Variants in ZNF423 observed in about 807,000 individuals in gnomAD.
ZNF423 encodes Ebf-associated zinc finger protein.
ZNF423 carries 12 observed loss-of-function variants against 95.8 expected under a neutral mutation model. That is an observed-to-expected ratio of 0.13 (90% CI 0.08 to 0.20). ZNF423 has a LOEUF of 0.20. ZNF423 is among the 10% of genes least tolerant of loss of function. The probability of loss-of-function intolerance (pLI) is 1.00; values close to 1 mark genes in which losing one functional copy is unlikely to be tolerated. For synonymous variants in ZNF423, 749 were observed against 711.9 expected, an observed-to-expected ratio of 1.05 and a Z score of -0.83; for missense variants, 1,316 against 1,737.1, an observed-to-expected ratio of 0.76 and a Z score of 4.31.
chr16:49,503,826 T>TG (rs1376411228), intron 7 of ZNF423, among the ~76,000 whole-genome samples: 1 of 152,068 alleles, frequency 6.6e-6, no homozygotes, highest in Non-Finnish European at 1.5e-5. Flanking sequence ...AATGACAGCC[T>TG]GCAAGCTACT....
At chr16:49,767,301 A>G (rs34795773) in intron 2 of ZNF423, among the ~76,000 whole-genome samples, 13,051 of 152,134 alleles carry the variant, frequency 0.086, 596 homozygotes, top group Middle Eastern at 0.15. Context: ...GAGACATTCA[A>G]ACAACATGGG....
chr16:49,708,462 G>GT (rs2032433400), intron 3 of ZNF423, among the ~76,000 whole-genome samples: 2 of 151,812 alleles, frequency 1.3e-5, no homozygotes, highest in African/African-American at 4.8e-5. Flanking sequence ...AATTTTTTTT[G>GT]TATTTTTAGT....
chr16:49,603,314 C>T lies in ZNF423; in HGVS notation c.3601+22856G>A, dbSNP rs1285455996. ...TCACTCAAAGAATCTTGCCTCCACA[C>T]AGCACTGGCTTCAAGGACGTGTAAT... On this transcript the variant is annotated intron_variant, in intron 5 of 7. Coordinates refer to ENST00000563137, the MANE Select transcript of ZNF423 (RefSeq NM_001379286.1). The surrounding 1 kb of genome is among the most constrained non-coding windows in gnomAD (Gnocchi z 4.1). Among the ~76,000 whole-genome samples, 1 of 152,218 alleles carries T rather than the reference C, an allele frequency of 6.6e-6. No homozygotes were observed. The highest frequency in any genetic ancestry group is 1.5e-5 in the Non-Finnish European group (1 of 68,034).
chr16:49,831,829 A>G (rs913005792), intron 1 of ZNF423, among the ~76,000 whole-genome samples: 2 of 143,886 alleles, frequency 1.4e-5, no homozygotes, highest in Non-Finnish European at 3.0e-5. Flanking sequence ...CATCTCTACT[A>G]AAAAAAAAAA....
chr16:49,669,262 G>A (rs2030691519), intron 3 of ZNF423, among the ~76,000 whole-genome samples: 1 of 151,820 alleles, frequency 6.6e-6, no homozygotes. Context: ...TCGGGAGGCG[G>A]AGGTTGCAGT....
At chr16:49,749,585 C>T (rs911268375) in intron 2 of ZNF423, among the ~76,000 whole-genome samples, 43 of 152,254 alleles carry the variant, frequency 2.8e-4, no homozygotes, top group African/African-American at 1.0e-3. Flanking sequence ...CCTGCGTTTA[C>T]GGACACGCGC....
chr16:49,553,734 A>G (rs936520134), intron 5 of ZNF423, among the ~76,000 whole-genome samples: 2 of 152,118 alleles, frequency 1.3e-5, no homozygotes, highest in Admixed American at 1.3e-4. Context: ...GTATTTCTTA[A>G]TAACAACCAC....
chr16:49,858,726 C>CCG (rs1555491196), upstream of ZNF423, among the ~76,000 whole-genome samples: 1 of 143,718 alleles, frequency 7.0e-6, no homozygotes, highest in Non-Finnish European at 1.6e-5. This position sits in a 1 kb window ranked among gnomAD's most constrained non-coding sequence, Gnocchi z 4.3. Flanking sequence ...AGCCCCCCCC[C>CCG]CCACGCCCCC....
At chr16:49,522,143 G>A (rs1968424544) in intron 7 of ZNF423, among the ~76,000 whole-genome samples, 1 of 152,356 alleles carries the variant, frequency 6.6e-6, no homozygotes, top group East Asian at 1.9e-4. Context: ...GGGGATGAGG[G>A]AGGGTGCTGC....
At chr16:49,761,485 G>A (rs1219070101) in intron 2 of ZNF423, among the ~76,000 whole-genome samples, 2 of 152,210 alleles carry the variant, frequency 1.3e-5, no homozygotes, top group Non-Finnish European at 2.9e-5. Context: ...TCCCAGTAAG[G>A]AGAACGACGC....
chr16:49,832,584 T>C (rs1597049812), intron 1 of ZNF423, among the ~76,000 whole-genome samples: 1 of 151,958 alleles, frequency 6.6e-6, no homozygotes, highest in Non-Finnish European at 1.5e-5. Flanking sequence ...GGGGGAAGGG[T>C]ACAGCCAAAA....
intron 5 of ZNF423, among the ~76,000 whole-genome samples, chr16:49,532,661 G>C (rs1167184302): frequency 6.6e-6 from 1 of 152,216 alleles, no homozygotes; most frequent in Non-Finnish European, 1.5e-5. Context: ...GGGGAGCTGG[G>C]TGTAGTCCTC....
At chr16:49,724,971 A>G (rs2032969279) in intron 3 of ZNF423, among the ~76,000 whole-genome samples, 1 of 152,262 alleles carries the variant, frequency 6.6e-6, no homozygotes, top group Non-Finnish European at 1.5e-5. Flanking sequence ...TTAGTTTGAA[A>G]TTGCTCACAG....
At chr16:49,715,621 C>A (rs1310497653) in intron 3 of ZNF423, among the ~76,000 whole-genome samples, 3 of 151,886 alleles carry the variant, frequency 2.0e-5, no homozygotes, top group African/African-American at 7.3e-5. Flanking sequence ...GGTGTGCACC[C>A]ATAGTCCTAG....
intron 3 of ZNF423, among the ~76,000 whole-genome samples, chr16:49,639,471 G>A (rs1290757484): frequency 1.3e-5 from 2 of 152,328 alleles, no homozygotes; most frequent in East Asian, 1.9e-4. Context: ...CAAGACATAG[G>A]AGGTGTGAAA....
intron 5 of ZNF423, among the ~76,000 whole-genome samples, chr16:49,535,863 G>A (rs1008725571): frequency 9.2e-5 from 14 of 152,110 alleles, no homozygotes; most frequent in African/African-American, 3.1e-4. Context: ...TCAACAAGAC[G>A]ATTGCCTAAA....
intron 2 of ZNF423, among the ~76,000 whole-genome samples, chr16:49,748,892 G>C (rs1395931060): frequency 6.6e-6 from 1 of 152,152 alleles, no homozygotes; most frequent in Non-Finnish European, 1.5e-5. Context: ...CGGGATACCA[G>C]GTTCTGAGCC....
chr16:49,555,926 C>A (rs1360930842), intron 5 of ZNF423, among the ~76,000 whole-genome samples: 2 of 152,036 alleles, frequency 1.3e-5, no homozygotes, highest in Admixed American at 6.6e-5. Context: ...TGTGTCAGTC[C>A]AGATCTGCCT....
chr16:49,699,187 G>C (rs964945249), intron 3 of ZNF423, among the ~76,000 whole-genome samples: 1 of 152,200 alleles, frequency 6.6e-6, no homozygotes, highest in Non-Finnish European at 1.5e-5. Context: ...GCTGGGCGAG[G>C]CGGCACTGAC....
Sources: allele counts gnomAD v4.1 joint callset (sites outside exome capture counted in the v4.1 genomes callset), GRCh38; gene constraint gnomAD v4.1.1; non-coding constraint Gnocchi (gnomAD v3.1); transcripts MANE v1.5; gene names NCBI Gene and HGNC (gene_info 2026-07-23, HGNC 2026-07-21).